HIF1A: variants seen among roughly 807,000 people sequenced by gnomAD.
HIF1A encodes hypoxia inducible factor 1 subunit alpha.
Under a neutral mutation model 92.7 loss-of-function variants are expected in HIF1A, and 24 were observed. That is an observed-to-expected ratio of 0.26 (90% confidence interval 0.19 to 0.36). The LOEUF (loss-of-function observed/expected upper bound fraction) is 0.36. Ranked by LOEUF, HIF1A falls within the 10% of genes least tolerant of loss-of-function variation. The pLI is 1.00. For synonymous variants in HIF1A, 319 were observed against 338.7 expected (o/e 0.94, Z 0.64); for missense variants, 799 against 998.5 (o/e 0.80, Z 2.69).
At chr14:61,709,644 C>A (rs2044284127) in intron 1 of HIF1A, among the ~76,000 whole-genome samples, 1 of 152,050 alleles carries the variant, frequency 6.6e-6, no homozygotes, top group African/African-American at 2.4e-5. Flanking sequence ...AATTTAGTTG[C>A]TTTCAAAAAT....
intron 1 of HIF1A, chr14:61,698,845 C>G (rs2044145102): frequency 6.6e-6 from 1 of 152,216 alleles, no homozygotes; most frequent in Non-Finnish European, 1.5e-5. Flanking sequence ...AAATAGAATA[C>G]TGAGTTTACT....
intron 14 of HIF1A, 117 bp from the exon 15 acceptor site, chr14:61,746,813 TAAAC>T: frequency 1.4e-6 from 1 of 696,736 alleles, no homozygotes; most frequent in South Asian, 2.2e-5. Context: ...TTTTGCCAGG[TAAAC>T]TAAAAACCCT....
intron 8 of HIF1A, 45 bp from the exon 9 acceptor site, chr14:61,736,844 A>C (rs1211865915): frequency 1.5e-6 from 2 of 1,342,718 alleles, no homozygotes; most frequent in Non-Finnish European, 2.1e-6. Context: ...CCCTCACTGT[A>C]TCAAGTGCTC....
intron 1 of HIF1A, chr14:61,715,627 A>G (rs2044355053): frequency 6.6e-6 from 1 of 152,200 alleles, no homozygotes; most frequent in Non-Finnish European, 1.5e-5. Context: ...ATAATAATAA[A>G]GATTAAATAA....
At chr14:61,730,487 C>G (rs768291203) in intron 6 of HIF1A, among the ~76,000 whole-genome samples, 1 of 152,160 alleles carries the variant, frequency 6.6e-6, no homozygotes, top group Non-Finnish European at 1.5e-5. Context: ...TCATATCTGT[C>G]TCCACTAATC....
chr14:61,696,737 AGT>A (rs1415398475), intron 1 of HIF1A, among the ~76,000 whole-genome samples: 1 of 152,232 alleles, frequency 6.6e-6, no homozygotes, highest in Non-Finnish European at 1.5e-5. Context: ...GTATATGATG[AGT>A]GAATGAAATG....
In HIF1A at chr14:61,725,420, A is replaced by T. The variant is rs201745502; in HGVS notation, c.458-1286A>T. On this transcript the variant is annotated intron_variant, in intron 4 of 14. Coordinates refer to ENST00000337138, the MANE Select transcript of HIF1A (RefSeq NM_001530.4). The stretch of plus-strand genomic sequence containing the variant: ...AAGAGGCTAGTTCCTTATTTTTTTT[A>T]ATTTTTTTTTTTGAGACAGTGTCTC... 1.5e-4 allele frequency among the ~76,000 whole-genome samples: 11 copies of T among 73,720 alleles called. No individual in the cohort carries two copies. The South Asian group carries it at 1.5e-3, about 10-fold the overall frequency. The allele number at this position is 73,720 out of a possible 152,430, so 48.4% of individuals were successfully genotyped here.
chr14:61,736,635 A>C (rs941672032), intron 8 of HIF1A, among the ~76,000 whole-genome samples: 2 of 152,208 alleles, frequency 1.3e-5, no homozygotes, highest in Non-Finnish European at 2.9e-5. Flanking sequence ...GGATGCATCC[A>C]TGTTGCTGCA....
Position 61,746,651 on chromosome 14 carries a change from T to C in HIF1A, c.2330-283T>C, listed in dbSNP as rs771763979. Reference sequence around the variant, plus strand: ...CTCAAGTGATCCTCCTGCCTCAGCCTGTGCTAGGATTACAGGCATCAGCTT... The same window carrying C: ...CTCAAGTGATCCTCCTGCCTCAGCCCGTGCTAGGATTACAGGCATCAGCTT... On this transcript the variant is annotated intron_variant, in intron 14 of 14. Transcript: ENST00000337138. 1.4e-3 allele frequency among the ~76,000 whole-genome samples: 209 copies of C among 152,194 alleles called. 6 individuals carry two copies. Among genetic ancestry groups the C allele is most frequent in the Admixed American group, 2.6e-4 (4 of 15,284 alleles).
chr14:61,695,884 C>CGCCCGCCT (rs1292405244), intron 1 of HIF1A, 45 bp downstream of exon 1: 8 of 1,538,598 alleles, frequency 5.2e-6, no homozygotes, highest in South Asian at 1.2e-5. Flanking sequence ...CCGGCGACCC[C>CGCCCGCCT]GCCCGCCTGC....
Position 61,721,567 on chromosome 14 carries a change from C to G in HIF1A, c.285C>G (p.Ala95=), listed in dbSNP as rs779453756. The G allele has an allele frequency of 1.2e-6, 2 of 1,612,444 alleles. No individual in the cohort carries two copies. Among genetic ancestry groups the G allele is most frequent in the Non-Finnish European group, 1.7e-6 (2 of 1,178,822 alleles). The change falls in exon 3 of 15, where the codon GCC becomes GCG. Residue 95 remains alanine (A), a synonymous_variant. Coordinates refer to ENST00000337138, the MANE Select transcript of HIF1A (RefSeq NM_001530.4). ...AGATGAATTGCTTTTATTTGAAAGC[C>G]TTGGATGGTTTTGTTATGGTTCTCA... The part of the protein sequence containing the change: ...KAQMNCFYLK[A]LDGFVMVLTD...
intron 1 of HIF1A, chr14:61,697,832 A>ATT: frequency 5.0e-6 from 7 of 1,407,724 alleles, no homozygotes; most frequent in Non-Finnish European, 4.7e-6. Context: ...TCTTCAAGCA[A>ATT]TTTTTTTTTT....
chr14:61,729,701 G>GT (rs1306454972), intron 6 of HIF1A, among the ~76,000 whole-genome samples: 2 of 151,994 alleles, frequency 1.3e-5, no homozygotes. Flanking sequence ...AAAACTTAAG[G>GT]TAACAAAGTA....
intron 8 of HIF1A, among the ~76,000 whole-genome samples, chr14:61,735,990 TTTC>T (rs2140151430): frequency 3.5e-5 from 1 of 28,840 alleles, no homozygotes; most frequent in South Asian, 3.0e-3. Context: ...AAATTCTTTT[TTTC>T]TTTTTTTTTT....
chr14:61,714,164 G>C (rs1379505445), intron 1 of HIF1A, among the ~76,000 whole-genome samples: 1 of 152,168 alleles, frequency 6.6e-6, no homozygotes, highest in African/African-American at 2.4e-5. Context: ...TTAATGTCAA[G>C]CTGACACCAA....
rs2044281960 is a variant in HIF1A at position 61,709,454 on chromosome 14, G to C, written c.36-10928G>C. Among the ~76,000 whole-genome samples, 3 of 152,194 alleles carry C rather than the reference G, an allele frequency of 2.0e-5. 1 individual carries two copies. In the South Asian group the frequency reaches 6.2e-4, roughly 32 times the overall value. On this transcript the variant is annotated intron_variant, in intron 1 of 14. Transcript: ENST00000337138. ...GTGATATAGATTTCATTTTCAGAAGGAACCCTCCAATGTAAAACAGTGATT... is the reference window on the plus strand; with the variant it reads ...GTGATATAGATTTCATTTTCAGAAGCAACCCTCCAATGTAAAACAGTGATT...
chr14:61,697,884 T>C, intron 1 of HIF1A: 1 of 1,519,846 alleles, frequency 6.6e-7, no homozygotes, highest in South Asian at 1.2e-5. Flanking sequence ...GGAAAACAAA[T>C]TTGTCTTTTT....
chr14:61,709,044 C>T (rs575542360), intron 1 of HIF1A, among the ~76,000 whole-genome samples: 18 of 152,204 alleles, frequency 1.2e-4, no homozygotes, highest in African/African-American at 3.1e-4. Flanking sequence ...GTTACAGGCA[C>T]GTGGCAACAT....
chr14:61,712,288 GT>G (rs1392258298), intron 1 of HIF1A, among the ~76,000 whole-genome samples: 11 of 151,962 alleles, frequency 7.2e-5, no homozygotes, highest in African/African-American at 2.7e-4. Context: ...TGTTTGAAGT[GT>G]TTTAAGAACA....
Sources: gnomAD v4.1 joint callset for allele counts (sites outside exome capture counted in the v4.1 genomes callset) on GRCh38, gnomAD v4.1.1 for gene constraint, MANE v1.5 for transcripts, NCBI Gene and HGNC (gene_info 2026-07-23, HGNC 2026-07-21) for gene names.